The following ZNF888 variants were observed in gnomAD, a reference collection of about 807,000 sequenced individuals.
ZNF888 encodes the protein CTD-2331H12.6.
A neutral mutation model predicts 7.2 loss-of-function variants in ZNF888; 5 were observed. That is an observed-to-expected ratio of 0.70 (90% CI 0.36 to 1.46). The LOEUF is 1.46. ZNF888 is among the 40% of genes most tolerant of loss of function. The pLI, the probability that ZNF888 is intolerant of heterozygous loss-of-function variation, is 0.03. For synonymous variants in ZNF888, 240 were observed against 284.3 expected, an observed-to-expected ratio of 0.84 and a Z score of 1.57; for missense variants, 716 against 858.0, an observed-to-expected ratio of 0.83 and a Z score of 2.07.
chr19:52,910,680 T>C (rs1332771933), intron 4 of ZNF888, among the ~76,000 whole-genome samples: 2 of 152,092 alleles, frequency 1.3e-5, no homozygotes, highest in Non-Finnish European at 2.9e-5. Context: ...GGAAGATGGC[T>C]GGGCTAAACC....
chr19:52,910,017 C>T (rs1194926634), intron 4 of ZNF888, among the ~76,000 whole-genome samples: 1 of 151,444 alleles, frequency 6.6e-6, no homozygotes, highest in African/African-American at 2.4e-5. Context: ...CAAAAATTAG[C>T]CGGGCGTGTA....
chr19:52,917,598 G>T (rs2064766364), intron 3 of ZNF888, among the ~76,000 whole-genome samples: 1 of 152,038 alleles, frequency 6.6e-6, no homozygotes, highest in African/African-American at 2.4e-5. Context: ...TGACACCATA[G>T]GACCCTCACC....
At chr19:52,912,755 A>G (rs2064701388) in intron 4 of ZNF888, among the ~76,000 whole-genome samples, 1 of 151,836 alleles carries the variant, frequency 6.6e-6, no homozygotes, top group South Asian at 2.1e-4. Context: ...AAATGAAAGA[A>G]GGCTAAAGAG....
chr19:52,913,795 C>T, intron 4 of ZNF888: 1 of 943,166 alleles, frequency 1.1e-6, no homozygotes, highest in Non-Finnish European at 1.3e-6. Flanking sequence ...GCTTAAACCA[C>T]TTATATGTTT....
intron 1 of ZNF888, among the ~76,000 whole-genome samples, chr19:52,921,372 A>G (rs946301710): frequency 5.3e-5 from 8 of 152,170 alleles, no homozygotes; most frequent in African/African-American, 1.9e-4. Context: ...GACATGACTT[A>G]CTTTAGATTT....
chr19:52,909,656 T>TA (rs2064653909), intron 4 of ZNF888, among the ~76,000 whole-genome samples: 2 of 152,094 alleles, frequency 1.3e-5, no homozygotes, highest in African/African-American at 4.8e-5. Flanking sequence ...ATTAATTCAT[T>TA]AATCAAATAA....
chr19:52,907,206 A>G lies in ZNF888; in HGVS notation c.1116T>C (p.His372=), dbSNP rs1408219194. 8.1e-6 allele frequency: 13 copies of G among 1,612,324 alleles called. No homozygotes were observed. In the African/African-American group the frequency reaches 1.1e-4, roughly 13 times the overall value. The stretch of plus-strand genomic sequence containing the variant: ...GTTTCTCACCAGTGTGAATTCTCCT[A>G]TGTCTTTCAAGGTATGATTTGCGAC... ...VFSRKSYLER[H]RRIHTGEKPY... is the part of the protein sequence containing the mutation. Residue 372 remains histidine (H), a synonymous_variant, in exon 5 of 5, where the codon CAT becomes CAC. Coordinates refer to ENST00000638862, the MANE Select transcript of ZNF888 (RefSeq NM_001393938.1).
chr19:52,906,169 T>C lies in ZNF888; in HGVS notation c.2153A>G (p.Asp718Gly), dbSNP rs976024946. The change falls in exon 5 of 5, where the codon GAC (aspartate) becomes GGC (glycine). Residue 718 changes from aspartate (D) to glycine (G), a missense_variant. By Grantham distance (94) the Asp-to-Gly change is moderately conservative. Coordinates refer to ENST00000638862, the MANE Select transcript of ZNF888 (RefSeq NM_001393938.1). ...GACTTGGTGACAATCATTACATTAG[T>C]CAAGTTTCCCTACACCATGGATTGC... is the stretch of plus-strand genomic sequence containing the variant. Reference protein sequence around the residue: ...HQAIHGVGKLD With the variant: ...HQAIHGVGKLG 8 of 1,612,242 alleles carry C rather than the reference T, an allele frequency of 5.0e-6. No individual in the cohort carries two copies. In the Admixed American group the frequency reaches 1.3e-4, roughly 27 times the overall value.
intron 1 of ZNF888, among the ~76,000 whole-genome samples, chr19:52,919,914 T>G (rs2064802214): frequency 1.7e-5 from 1 of 57,596 alleles, no homozygotes; most frequent in Admixed American, 2.1e-4. Context: ...GAGGAGCCCC[T>G]CCGTCCGGCA....
At chr19:52,915,006 G>T (rs2064727644) in intron 4 of ZNF888, among the ~76,000 whole-genome samples, 190 bp downstream of exon 4, 1 of 152,144 alleles carries the variant, frequency 6.6e-6, no homozygotes, top group African/African-American at 2.4e-5. Context: ...CCCACATTGA[G>T]GTATCATGAA....
chr19:52,906,971 A>G lies in ZNF888; in HGVS notation c.1351T>C (p.Ser451Pro). 6.2e-7 allele frequency: 1 copy of G among 1,612,802 alleles called. No homozygotes were observed. Among genetic ancestry groups the G allele is most frequent in the Non-Finnish European group, 8.5e-7 (1 of 1,179,440 alleles). ...AGTCTATGATGACGTGCAAGGTTTGATTGTTGATTGAAAACCTTGCCACAT... is the reference window on the plus strand; with the variant it reads ...AGTCTATGATGACGTGCAAGGTTTGGTTGTTGATTGAAAACCTTGCCACAT... ...NECGKVFNQQ[S>P]NLARHHRLHT... is the part of the protein sequence containing the mutation. The change falls in exon 5 of 5, where the codon TCA (serine) becomes CCA (proline). Residue 451 changes from serine (S) to proline (P), a missense_variant. Ser to Pro is a moderately conservative substitution (Grantham distance 74). This residue lies in a region of ZNF888 where 697 missense variants were observed against 803.4 expected (regional missense o/e 0.87). Transcript: ENST00000638862.
rs2064596360 is a variant in ZNF888, at chr19:52,905,457, A to T, written c.*708T>A. The T allele has an allele frequency of 1.2e-5, 2 of 164,596 alleles. No homozygotes were observed. The highest frequency in any genetic ancestry group is 3.6e-4 in the East Asian group (2 of 5,612). The allele number at this position is 164,596 out of a possible 1,614,324, so 10.2% of individuals were successfully genotyped here. ...CACCCAGGTGATTAAAAAAAAAAAA[A>T]ATCTGTATCTGTTTTTGTTAAAGAA... On this transcript the variant is annotated 3_prime_UTR_variant, in exon 5 of 5. Transcript: ENST00000638862.
chr19:52,907,192 G>C lies in ZNF888; in HGVS notation c.1130C>G (p.Thr377Ser). 1 of 1,612,956 alleles carries C rather than the reference G, an allele frequency of 6.2e-7. No homozygotes were observed. The highest frequency in any genetic ancestry group is 8.5e-7 in the Non-Finnish European group (1 of 1,179,680). ...SYLERHRRIHTGEKPYKCKVC... is the reference protein window; with the variant it reads ...SYLERHRRIHSGEKPYKCKVC... ...CTTACATTTGTATGGTTTCTCACCAGTGTGAATTCTCCTATGTCTTTCAAG... is the reference window on the plus strand; with the variant it reads ...CTTACATTTGTATGGTTTCTCACCACTGTGAATTCTCCTATGTCTTTCAAG... Residue 377 changes from threonine to serine, a missense_variant, in exon 5 of 5, where the codon ACT becomes AGT. This residue lies in a region of ZNF888 where 697 missense variants were observed against 803.4 expected (regional missense o/e 0.87). Coordinates refer to ENST00000638862, the MANE Select transcript of ZNF888 (RefSeq NM_001393938.1).
chr19:52,906,203 G>A lies in ZNF888; in HGVS notation c.2119C>T (p.His707Tyr). The A allele has an allele frequency of 1.2e-6, 2 of 1,610,578 alleles. No individual in the cohort carries two copies. ...CCTACACCATGGATTGCCTGATGGT[G>A]AATAAGTGTTGACTGTGCACGAAAG... ...KAFRAQSTLI[H>Y]HQAIHGVGKL... Residue 707 changes from histidine (H) to tyrosine (Y), a missense_variant, in exon 5 of 5, where the codon CAC becomes TAC. Transcript: ENST00000638862.
chr19:52,905,585 C>A lies in ZNF888; in HGVS notation c.*580G>T. ...CCACCTTGGCCTCCCACAGTGCTAG[C>A]ATTACAGGTGTGAGCCACCGCACTC... is the stretch of plus-strand genomic sequence containing the variant. On this transcript the variant is annotated 3_prime_UTR_variant, in exon 5 of 5. Coordinates refer to ENST00000638862, the MANE Select transcript of ZNF888 (RefSeq NM_001393938.1). The A allele has an allele frequency of 3.0e-6, 1 of 337,998 alleles. No homozygotes were observed. 20.9% of individuals were successfully genotyped at this position (337,998 alleles called of 1,614,324 possible). A position where few individuals can be genotyped will look rare whatever the true frequency, so the allele number is the denominator to read the frequency against.
rs1452784074 is a variant in ZNF888 at position 52,907,049 on chromosome 19, G to A, written c.1273C>T (p.Leu425Phe). ...GTATGAATTGTCTTGTGAACTAAGA[G>A]GGCTGAATTTTCACCAAACGTTTTG... Reference protein sequence around the residue: ...CGKTFGENSALLVHKTIHTGE... With the variant: ...CGKTFGENSAFLVHKTIHTGE... The change falls in exon 5 of 5, where the codon CTC becomes TTC. Residue 425 changes from leucine to phenylalanine, a missense_variant. Physicochemically the swap from Leu to Phe is conservative, Grantham distance 22. Coordinates refer to ENST00000638862, the MANE Select transcript of ZNF888 (RefSeq NM_001393938.1). The A allele has an allele frequency of 1.1e-5, 18 of 1,610,774 alleles. No individual in the cohort carries two copies. The highest frequency in any genetic ancestry group is 1.7e-4 in the Middle Eastern group (1 of 6,056).
chr19:52,917,157 T>C lies in ZNF888; in HGVS notation c.15+702A>G, dbSNP rs577952932. The C allele has an allele frequency of 2.0e-5, 3 of 153,338 alleles. No individual in the cohort carries two copies. In the South Asian group the frequency reaches 6.1e-4, roughly 31 times the overall value. 9.5% of individuals were successfully genotyped at this position (153,338 alleles called of 1,614,324 possible). A position where few individuals can be genotyped will look rare whatever the true frequency, so the allele number is the denominator to read the frequency against. ...TATTCTTAACATAATGATGGAATCA[T>C]TCATGTATCATTCATTTCCATTATA... On this transcript the variant is annotated intron_variant, in intron 3 of 4. Coordinates refer to ENST00000638862, the MANE Select transcript of ZNF888 (RefSeq NM_001393938.1).
At chr19:52,917,222 C>T (rs1354413235) in intron 3 of ZNF888, 1 of 155,712 alleles carries the variant, frequency 6.4e-6, no homozygotes, top group Non-Finnish European at 1.4e-5. Context: ...CTCTTGTTAC[C>T]TGGGCTGGAG....
At chr19:52,919,885 A>G (rs2064801590) in intron 1 of ZNF888, among the ~76,000 whole-genome samples, 1 of 53,420 alleles carries the variant, frequency 1.9e-5, no homozygotes, top group Non-Finnish European at 4.3e-5. Flanking sequence ...CTGCCTGGCA[A>G]CCGCCCCGTC....
Sources: allele counts gnomAD v4.1 joint callset (sites outside exome capture counted in the v4.1 genomes callset), GRCh38; gene constraint gnomAD v4.1.1; regional missense constraint gnomAD v4.1.1; transcripts MANE v1.5; gene names NCBI Gene and HGNC (gene_info 2026-07-23, HGNC 2026-07-21).